PRIM2: variants seen among roughly 807,000 people sequenced by gnomAD.
PRIM2 encodes the protein DNA primase subunit 2, also known as DNA primase large subunit.
Under a neutral mutation model 67.3 loss-of-function variants are expected in PRIM2, and 39 were observed. The ratio of observed to expected loss-of-function variants is 0.58; its 90% CI spans 0.45 to 0.76. The LOEUF is 0.76. Among genes scored for constraint, PRIM2 ranks in the 30% least tolerant of loss-of-function variants. PRIM2 has a pLI of 0.00. For missense variants in PRIM2, 398 were observed against 598.7 expected (o/e 0.66, Z 3.50); for synonymous variants, 143 against 198.7 (o/e 0.72, Z 2.36).
At chr6:57,248,611 A>G in the PRIM2 span, among the ~76,000 whole-genome samples, 4 of 152,292 alleles carry the variant, frequency 2.6e-5, no homozygotes, top group Non-Finnish European at 4.4e-5. Flanking sequence ...TTCTATGCAA[A>G]TGAAGTAGTG....
intron 10 of PRIM2, among the ~76,000 whole-genome samples, chr6:57,589,137 A>C (rs1315709371): frequency 0.069 from 10,566 of 152,282 alleles, 524 homozygotes; most frequent in East Asian, 0.21. Flanking sequence ...AGGCATTTCC[A>C]GGCCCAACCA....
chr6:57,466,457 A>G (rs1214003541), intron 7 of PRIM2, among the ~76,000 whole-genome samples: 5 of 152,244 alleles, frequency 3.3e-5, no homozygotes, highest in East Asian at 3.9e-4. Flanking sequence ...AAGCGTTCCT[A>G]TTTCTCCACA....
chr6:57,633,330 T>C (rs1330366634), intron 13 of PRIM2, among the ~76,000 whole-genome samples: 2 of 152,218 alleles, frequency 1.3e-5, no homozygotes, highest in African/African-American at 4.8e-5. Context: ...ATATGTGTAT[T>C]TTTCCAGAGT....
chr6:57,554,615 T>A (rs1175618676), intron 10 of PRIM2, among the ~76,000 whole-genome samples: 36 of 152,262 alleles, frequency 2.4e-4, no homozygotes, highest in Admixed American at 3.9e-4. Flanking sequence ...ATAGCAGGGA[T>A]TCTATCTTAA....
At chr6:57,557,792 T>C (rs1308342043) in intron 10 of PRIM2, among the ~76,000 whole-genome samples, 1 of 152,096 alleles carries the variant, frequency 6.6e-6, no homozygotes, top group Non-Finnish European at 1.5e-5. Flanking sequence ...AAGAAAAAGA[T>C]ATGACTTTTG....
chr6:57,328,859 A>C (rs1306963076), intron 5 of PRIM2, among the ~76,000 whole-genome samples: 1 of 152,198 alleles, frequency 6.6e-6, no homozygotes, highest in African/African-American at 2.4e-5. Context: ...CATCATAGTG[A>C]GTATGAAGTG....
intron 7 of PRIM2, among the ~76,000 whole-genome samples, chr6:57,434,597 TA>T (rs1175653590): frequency 4.6e-5 from 7 of 152,214 alleles, no homozygotes; most frequent in Non-Finnish European, 7.3e-5. Flanking sequence ...AAATCAATTT[TA>T]ATTATTGAGT....
the PRIM2 span, among the ~76,000 whole-genome samples, chr6:57,285,551 G>A: frequency 1.3e-5 from 2 of 152,128 alleles, no homozygotes; most frequent in Non-Finnish European, 2.9e-5. Context: ...ATGCAGAAGA[G>A]GCCTTCGATA....
the PRIM2 span, among the ~76,000 whole-genome samples, chr6:57,239,362 A>G: frequency 6.6e-6 from 1 of 152,002 alleles, no homozygotes; most frequent in African/African-American, 2.4e-5. Context: ...ATGTCTCTGT[A>G]CCTTTGAAAA....
At chr6:57,384,299 G>C (rs1770059993) in intron 7 of PRIM2, among the ~76,000 whole-genome samples, 1 of 152,150 alleles carries the variant, frequency 6.6e-6, no homozygotes, top group African/African-American at 2.4e-5. Context: ...GCTTCTGGTA[G>C]TTCTTTGACT....
chr6:57,518,033 C>A (rs1774522611), intron 8 of PRIM2, among the ~76,000 whole-genome samples: 2 of 152,042 alleles, frequency 1.3e-5, no homozygotes, highest in Non-Finnish European at 2.9e-5. Flanking sequence ...AGAGTAAACA[C>A]AAAACAAAAT....
the PRIM2 span, among the ~76,000 whole-genome samples, chr6:57,265,537 C>T: frequency 1.3e-5 from 2 of 152,152 alleles, no homozygotes; most frequent in African/African-American, 4.8e-5. Flanking sequence ...CAACCACTTA[C>T]TAGAATAGAA....
At chr6:57,524,926 A>T (rs1412748216) in intron 8 of PRIM2, among the ~76,000 whole-genome samples, 18 of 151,960 alleles carry the variant, frequency 1.2e-4, no homozygotes, top group African/African-American at 3.9e-4. Flanking sequence ...TCAAATTTTC[A>T]TGAAAACAGA....
intron 5 of PRIM2, among the ~76,000 whole-genome samples, chr6:57,336,386 C>A (rs1229924667): frequency 1.3e-5 from 2 of 152,038 alleles, no homozygotes; most frequent in Admixed American, 1.3e-4. Flanking sequence ...TCGAGAAGAG[C>A]AACTGCAAGA....
chr6:57,222,794 A>C, the PRIM2 span, among the ~76,000 whole-genome samples: 8 of 152,238 alleles, frequency 5.3e-5, no homozygotes, highest in African/African-American at 1.7e-4. Flanking sequence ...GAAAAAAAAG[A>C]TGGAAAATAC....
chr6:57,238,260 A>G, the PRIM2 span, among the ~76,000 whole-genome samples: 1 of 152,224 alleles, frequency 6.6e-6, no homozygotes, highest in African/African-American at 2.4e-5. Flanking sequence ...CAGAATATAC[A>G]TTCTTCTCAG....
chr6:57,305,794 C>T, the PRIM2 span, among the ~76,000 whole-genome samples: 3 of 152,184 alleles, frequency 2.0e-5, no homozygotes. Context: ...GGATATTCTA[C>T]TAAATTGTTA....
chr6:57,472,173 TAATCCC>T (rs1436734107), intron 7 of PRIM2, among the ~76,000 whole-genome samples: 68 of 152,240 alleles, frequency 4.5e-4, no homozygotes, highest in African/African-American at 1.6e-3. Flanking sequence ...CTCACGTTTG[TAATCCC>T]AGCACTTTGG....
intron 12 of PRIM2, among the ~76,000 whole-genome samples, chr6:57,616,820 A>G (rs2127495888): frequency 1.3e-5 from 2 of 152,368 alleles, no homozygotes; most frequent in East Asian, 3.9e-4. Context: ...TGCCGCCCCT[A>G]GAAACCAATA....
Sources: gnomAD v4.1 joint callset for allele counts (sites outside exome capture counted in the v4.1 genomes callset) on GRCh38, gnomAD v4.1.1 for gene constraint, MANE v1.5 for transcripts, NCBI Gene and HGNC (gene_info 2026-07-23, HGNC 2026-07-21) for gene names.